The following WDR33 variants were observed in gnomAD, a reference collection of about 807,000 sequenced individuals.
WDR33 encodes WD repeat domain 33.
WDR33 carries 47 observed loss-of-function variants against 164.9 expected under a neutral mutation model. The observed-to-expected ratio is 0.29, with a 90% CI of 0.23 to 0.36. The LOEUF is 0.36. WDR33 is among the 10% of genes least tolerant of loss of function. WDR33 has a pLI of 1.00. For synonymous variants in WDR33, 505 were observed against 589.0 expected (o/e 0.86, Z 2.06); for missense variants, 1,137 against 1,754.1 (o/e 0.65, Z 6.28).
intron 1 of WDR33, among the ~76,000 whole-genome samples, chr2:127,783,220 A>C (rs1284454410): frequency 6.6e-6 from 1 of 152,204 alleles, no homozygotes; most frequent in Non-Finnish European, 1.5e-5. Flanking sequence ...TGTTTAATCC[A>C]TGTTACCTGA....
chr2:127,738,202 G>T lies in WDR33; in HGVS notation c.725-11425C>A. 1.6e-6 allele frequency: 1 copy of T among 624,546 alleles called. No homozygotes were observed. The highest frequency in any genetic ancestry group is 2.5e-6 in the Non-Finnish European group (1 of 405,416). The allele number at this position is 624,546 out of a possible 1,614,324, so 38.7% of individuals were successfully genotyped here. On this transcript the variant is annotated intron_variant, in intron 7 of 21. Coordinates refer to ENST00000322313, the MANE Select transcript of WDR33 (RefSeq NM_018383.5). The surrounding 1 kb of genome is among the most constrained non-coding windows in gnomAD (Gnocchi z 4.4). ...TCTGAGATAACATATGCTCCAACTG[G>T]ATCTTAACAAACATCTCCATTTCTG...
In WDR33 at chr2:127,701,685, TG is replaced by T. The variant is rs1404703527; in HGVS notation, c.*4637del. Reference sequence around the variant, plus strand: ...GGGCCGCGCGGGCTTGCGCTGGACGTGGGCGCGGAGCCCTGCGGAGTCGGCA... The same window carrying T: ...GGGCCGCGCGGGCTTGCGCTGGACGTGGCGCGGAGCCCTGCGGAGTCGGCA... On this transcript the variant is annotated 3_prime_UTR_variant, in exon 22 of 22. Coordinates refer to ENST00000322313, the MANE Select transcript of WDR33 (RefSeq NM_018383.5). The T allele has an allele frequency of 2.2e-5, 29 of 1,299,168 alleles. No homozygotes were observed. The highest frequency in any genetic ancestry group is 2.7e-5 in the Non-Finnish European group (28 of 1,029,318). 80.5% of individuals were successfully genotyped at this position (1,299,168 alleles called of 1,614,324 possible).
intron 1 of WDR33, among the ~76,000 whole-genome samples, chr2:127,788,255 C>CA (rs1163563888): frequency 1.2e-4 from 17 of 138,004 alleles, no homozygotes; most frequent in African/African-American, 4.2e-4. Context: ...GCTGACCCCC[C>CA]CCACCTCCCT....
At chr2:127,739,171 T>A (rs1056341679) in intron 7 of WDR33, among the ~76,000 whole-genome samples, 5 of 152,180 alleles carry the variant, frequency 3.3e-5, no homozygotes, top group Non-Finnish European at 7.3e-5. Context: ...CTTTATTGAA[T>A]GAATGAGGAA....
rs759169392 is a variant in WDR33, at chr2:127,738,619, T to C, written c.725-11842A>G. On this transcript the variant is annotated intron_variant, in intron 7 of 21. Transcript: ENST00000322313. This position sits in a 1 kb window ranked among gnomAD's most constrained non-coding sequence, Gnocchi z 4.4. ...ATACTGATAGTATACATCCATGACA[T>C]GGTATGATGAAAATGGCACTTTACC... is the stretch of plus-strand genomic sequence containing the variant. 3.3e-5 allele frequency among the ~76,000 whole-genome samples: 5 copies of C among 152,174 alleles called. No homozygotes were observed. The highest frequency in any genetic ancestry group is 5.9e-5 in the Non-Finnish European group (4 of 68,038).
chr2:127,778,685 T>C (rs181457029), intron 1 of WDR33, among the ~76,000 whole-genome samples: 15 of 152,140 alleles, frequency 9.9e-5, no homozygotes, highest in Admixed American at 1.3e-4. Flanking sequence ...CAATCAGCCT[T>C]AAGAAGCTTA....
chr2:127,701,646 GC>G lies in WDR33; in HGVS notation c.*4676del. 7.7e-7 allele frequency: 1 copy of G among 1,305,078 alleles called. No individual in the cohort carries two copies. The highest frequency in any genetic ancestry group is 2.2e-5 in the South Asian group (1 of 44,748). 80.8% of individuals were successfully genotyped at this position (1,305,078 alleles called of 1,614,324 possible). A position where few individuals can be genotyped will look rare whatever the true frequency, so the allele number is the denominator to read the frequency against. Reference sequence around the variant, plus strand: ...GGCGGAGGAGCCCGGGGACCGGCCGGCGGAGGAGTGGCTGGGCCGCGCGGGC... The same window carrying G: ...GGCGGAGGAGCCCGGGGACCGGCCGGGGAGGAGTGGCTGGGCCGCGCGGGC... On this transcript the variant is annotated 3_prime_UTR_variant, in exon 22 of 22. Transcript: ENST00000322313.
chr2:127,772,266 G>A (rs1034150798), intron 1 of WDR33, among the ~76,000 whole-genome samples: 3 of 151,986 alleles, frequency 2.0e-5, no homozygotes, highest in South Asian at 2.1e-4. Context: ...GTGAAACCCC[G>A]TCTCTACTAA....
In WDR33 at chr2:127,709,298, G is replaced by A. The variant is rs1035113880; in HGVS notation, c.3565+192C>T. 1.3e-5 allele frequency among the ~76,000 whole-genome samples: 2 copies of A among 152,184 alleles called. No homozygotes were observed. The highest frequency in any genetic ancestry group is 6.5e-5 in the Admixed American group (1 of 15,276). On this transcript the variant is annotated intron_variant, in intron 20 of 21. Coordinates refer to ENST00000322313, the MANE Select transcript of WDR33 (RefSeq NM_018383.5). This position sits in a 1 kb window ranked among gnomAD's most constrained non-coding sequence, Gnocchi z 5.0. ...TTATACTCAGATAGATCCCTGTAAT[G>A]TCTGGCGGATTCCTCTGCTCTGCAT...
Position 127,764,360 on chromosome 2 carries a change from T to C in WDR33, c.626+468A>G. 6 of 1,424,410 alleles carry C rather than the reference T, an allele frequency of 4.2e-6. No individual in the cohort carries two copies. Among genetic ancestry groups the C allele is most frequent in the Non-Finnish European group, 5.5e-6 (6 of 1,091,124 alleles). 88.2% of individuals were successfully genotyped at this position (1,424,410 alleles called of 1,614,324 possible). On this transcript the variant is annotated intron_variant, in intron 6 of 21. Transcript: ENST00000322313. The surrounding 1 kb of genome is among the most constrained non-coding windows in gnomAD (Gnocchi z 6.2). ...TGAGGGTTTTAGTCCTATACTTTCC[T>C]TTGGAAGTCGTGGCATAACCAAGCC... is the stretch of plus-strand genomic sequence containing the variant.
intron 1 of WDR33, among the ~76,000 whole-genome samples, chr2:127,798,642 A>C (rs1464243303): frequency 6.6e-6 from 1 of 152,098 alleles, no homozygotes; most frequent in Non-Finnish European, 1.5e-5. Flanking sequence ...GATGTCTTTT[A>C]ATTACCTTAT....
At chr2:127,776,409 C>G (rs930519319) in intron 1 of WDR33, among the ~76,000 whole-genome samples, 17 of 152,254 alleles carry the variant, frequency 1.1e-4, no homozygotes, top group African/African-American at 4.1e-4. Context: ...GGCAAAATAC[C>G]TCCTGACTCT....
At position 127,719,022 on chromosome 2, in the gene WDR33, T is replaced by C. The variant is rs1686360229; in HGVS notation, c.2760+243A>G. Among the ~76,000 whole-genome samples, 1 of 152,182 alleles carries C rather than the reference T, an allele frequency of 6.6e-6. No homozygotes were observed. Among genetic ancestry groups the C allele is most frequent in the Admixed American group, 6.5e-5 (1 of 15,272 alleles). On this transcript the variant is annotated intron_variant, in intron 16 of 21. Coordinates refer to ENST00000322313, the MANE Select transcript of WDR33 (RefSeq NM_018383.5). The surrounding 1 kb of genome is among the most constrained non-coding windows in gnomAD (Gnocchi z 6.5). ...TTGACCTTTTCTGAAGAAACTCTAT[T>C]ACCAAAAAAAGAAAAATGGTGAGAA... is the stretch of plus-strand genomic sequence containing the variant.
At chr2:127,803,747 A>G (rs1257212410) in intron 1 of WDR33, among the ~76,000 whole-genome samples, 1 of 152,080 alleles carries the variant, frequency 6.6e-6, no homozygotes, top group Non-Finnish European at 1.5e-5. Context: ...GGGAAGATAC[A>G]AAAGGAAAGG....
At chr2:127,765,079 C>T in intron 5 of WDR33, 95 bp downstream of exon 5, 1 of 1,556,672 alleles carries the variant, frequency 6.4e-7, no homozygotes, top group Non-Finnish European at 8.8e-7. Context: ...AATAATTCGT[C>T]CCAATTCTAA....
In WDR33 at chr2:127,709,461, G is replaced by A; in HGVS notation, c.3565+29C>T. 2 of 1,609,554 alleles carry A rather than the reference G, an allele frequency of 1.2e-6. No individual in the cohort carries two copies. Among genetic ancestry groups the A allele is most frequent in the South Asian group, 2.2e-5 (2 of 91,012 alleles). On this transcript the variant is annotated intron_variant, in intron 20 of 21. Transcript: ENST00000322313. This position sits in a 1 kb window ranked among gnomAD's most constrained non-coding sequence, Gnocchi z 5.0. ...CTCACTTTGTGAACTGCAGTCTAGAGTTACCCAACAAGCGGTTCTTTTCCT... is the reference window on the plus strand; with the variant it reads ...CTCACTTTGTGAACTGCAGTCTAGAATTACCCAACAAGCGGTTCTTTTCCT...
chr2:127,792,092 C>T (rs972637599), intron 1 of WDR33, among the ~76,000 whole-genome samples: 1 of 151,950 alleles, frequency 6.6e-6, no homozygotes, highest in African/African-American at 2.4e-5. Flanking sequence ...GCATGCACCA[C>T]CACGCCCGGC....
chr2:127,784,597 T>C (rs1335214147), intron 1 of WDR33, among the ~76,000 whole-genome samples: 1 of 152,172 alleles, frequency 6.6e-6, no homozygotes. Context: ...CCCCAGCTGG[T>C]CTTGAACTCC....
At chr2:127,805,902 C>T (rs925421070) in intron 1 of WDR33, among the ~76,000 whole-genome samples, 2 of 150,968 alleles carry the variant, frequency 1.3e-5, no homozygotes, top group South Asian at 2.1e-4. Flanking sequence ...AATGAAGTGT[C>T]GTCTTGAAGC....
Sources: gnomAD v4.1 joint callset for allele counts (sites outside exome capture counted in the v4.1 genomes callset) on GRCh38, gnomAD v4.1.1 for gene constraint, Gnocchi (gnomAD v3.1) non-coding constraint, MANE v1.5 for transcripts, NCBI Gene and HGNC (gene_info 2026-07-23, HGNC 2026-07-21) for gene names.